The following ZNF292 variants were observed in gnomAD, a reference collection of about 807,000 sequenced individuals.
ZNF292 encodes zinc finger protein 292, also known as 16 zinc-finger domain protein.
A neutral mutation model predicts 217.9 loss-of-function variants in ZNF292; 26 were observed. The observed-to-expected ratio is 0.12, with a 90% CI of 0.09 to 0.17. The LOEUF is 0.17. Among genes scored for constraint, ZNF292 ranks in the 10% least tolerant of loss-of-function variants. ZNF292 has a pLI of 1.00. For missense variants in ZNF292, 2,904 were observed against 3,175.2 expected (o/e 0.91, Z 2.05); for synonymous variants, 1,257 against 1,124.1 (o/e 1.12, Z -2.37).
In ZNF292 at chr6:87,212,073, C is replaced by T. The variant is rs564436593; in HGVS notation, c.169-3830C>T. ...CTACAATGTTAGGGGTTCTCACAACCCCCTCCTCAGGGTCAGTAATTTGCT... is the reference window on the plus strand; with the variant it reads ...CTACAATGTTAGGGGTTCTCACAACTCCCTCCTCAGGGTCAGTAATTTGCT... On this transcript the variant is annotated intron_variant, in intron 1 of 7. Coordinates refer to ENST00000369577, the MANE Select transcript of ZNF292 (RefSeq NM_015021.3). Among the ~76,000 whole-genome samples, 23 of 152,248 alleles carry T rather than the reference C, an allele frequency of 1.5e-4. 1 individual carries two copies. The highest frequency in any genetic ancestry group is 5.5e-4 in the African/African-American group (23 of 41,548).
chr6:87,250,141 C>T (rs1436789313), intron 7 of ZNF292, among the ~76,000 whole-genome samples: 4 of 151,370 alleles, frequency 2.6e-5, no homozygotes, highest in Non-Finnish European at 4.4e-5. Flanking sequence ...TCAGTGGATT[C>T]AACCACCTAC....
At chr6:87,168,067 A>G (rs1319004921) in intron 1 of ZNF292, among the ~76,000 whole-genome samples, 1 of 152,192 alleles carries the variant, frequency 6.6e-6, no homozygotes, top group East Asian at 1.9e-4. Flanking sequence ...AAATGGGCGG[A>G]ACCTTGGAGT....
At chr6:87,170,789 G>A (rs992148208) in intron 1 of ZNF292, among the ~76,000 whole-genome samples, 3 of 152,174 alleles carry the variant, frequency 2.0e-5, no homozygotes, top group African/African-American at 7.2e-5. Flanking sequence ...TTCTAAGGAT[G>A]TTGGTTTTTT....
intron 1 of ZNF292, among the ~76,000 whole-genome samples, chr6:87,165,427 C>T (rs1477057196): frequency 6.6e-6 from 1 of 152,158 alleles, no homozygotes; most frequent in Non-Finnish European, 1.5e-5. Context: ...ATAAGGGATA[C>T]TCACCCGGGA....
chr6:87,251,616 A>G (rs1308534045), intron 7 of ZNF292, among the ~76,000 whole-genome samples: 1 of 152,218 alleles, frequency 6.6e-6, no homozygotes, highest in Non-Finnish European at 1.5e-5. Context: ...ACTGTTATGA[A>G]TTAAATAGAT....
At chr6:87,177,935 T>C (rs1334719305) in intron 1 of ZNF292, among the ~76,000 whole-genome samples, 1 of 152,182 alleles carries the variant, frequency 6.6e-6, no homozygotes, top group Non-Finnish European at 1.5e-5. Flanking sequence ...ATTGGCACCA[T>C]ATCTCTTATT....
In ZNF292 at chr6:87,265,849, A is replaced by T. The variant is rs1210302468; in HGVS notation, c.*4048A>T. Among the ~76,000 whole-genome samples, 1 of 152,334 alleles carries T rather than the reference A, an allele frequency of 6.6e-6. No individual in the cohort carries two copies. Among genetic ancestry groups the T allele is most frequent in the South Asian group, 2.1e-4 (1 of 4,828 alleles). The stretch of plus-strand genomic sequence containing the variant: ...GATTCCTTTGCTGTATTGGTTGTTA[A>T]TGTTTTGAATATTACCCGGTATTCA... On this transcript the variant is annotated 3_prime_UTR_variant, in exon 8 of 8. Coordinates refer to ENST00000369577, the MANE Select transcript of ZNF292 (RefSeq NM_015021.3).
At chr6:87,232,308 TACA>T (rs1773695801) in intron 4 of ZNF292, among the ~76,000 whole-genome samples, 1 of 152,214 alleles carries the variant, frequency 6.6e-6, no homozygotes, top group South Asian at 2.1e-4. Flanking sequence ...CAAAGGATAT[TACA>T]AGAAGTAAAG....
chr6:87,167,249 G>A (rs1430133829), intron 1 of ZNF292, among the ~76,000 whole-genome samples: 3 of 152,220 alleles, frequency 2.0e-5, no homozygotes, highest in Non-Finnish European at 4.4e-5. Flanking sequence ...TGTCACTTCA[G>A]CGAAAAACTT....
rs542370789 is a variant in ZNF292 at position 87,233,119 on chromosome 6, C to T, written c.539-206C>T. The stretch of plus-strand genomic sequence containing the variant: ...TTCTAAATGGTCCCTTATATAAGGG[C>T]CAAAAGTACTTAACTTTTAAAAGTT... On this transcript the variant is annotated intron_variant, in intron 4 of 7. Transcript: ENST00000369577. 3.3e-5 allele frequency among the ~76,000 whole-genome samples: 5 copies of T among 152,096 alleles called. No homozygotes were observed. In the East Asian group the frequency reaches 7.7e-4, roughly 23 times the overall value.
chr6:87,165,622 G>T (rs571299384), intron 1 of ZNF292, among the ~76,000 whole-genome samples: 33 of 151,992 alleles, frequency 2.2e-4, no homozygotes, highest in Non-Finnish European at 4.3e-4. Context: ...TATTTTAGAG[G>T]GTCACTGGGA....
intron 7 of ZNF292, among the ~76,000 whole-genome samples, chr6:87,251,360 CTG>C (rs1774911435): frequency 6.6e-6 from 1 of 152,184 alleles, no homozygotes; most frequent in Non-Finnish European, 1.5e-5. Flanking sequence ...ACATGGGAAA[CTG>C]AAAGCAACAT....
At chr6:87,234,755 G>A (rs1338525338) in intron 5 of ZNF292, among the ~76,000 whole-genome samples, 1 of 152,098 alleles carries the variant, frequency 6.6e-6, no homozygotes, top group Non-Finnish European at 1.5e-5. Flanking sequence ...AGACAGAGAA[G>A]TAAACTAATA....
At chr6:87,215,592 G>A (rs193099100) in intron 1 of ZNF292, among the ~76,000 whole-genome samples, 29 of 152,046 alleles carry the variant, frequency 1.9e-4, no homozygotes, top group African/African-American at 5.3e-4. Flanking sequence ...TACTTGCTCA[G>A]ATGTCTTTTT....
intron 1 of ZNF292, among the ~76,000 whole-genome samples, chr6:87,166,944 T>C (rs1770936312): frequency 6.6e-6 from 1 of 152,212 alleles, no homozygotes; most frequent in Admixed American, 6.5e-5. Context: ...AGTTTTGATT[T>C]GCCCAAGGTC....
chr6:87,255,733 G>A lies in ZNF292; in HGVS notation c.2104G>A (p.Val702Met). ...FKYFKNLIAH[V>M]KGHKDNEDAK... ...GTACTTTAAAAATTTAATTGCTCATGTGAAGGGGCATAAAGATAATGAAGA... is the reference window on the plus strand; with the variant it reads ...GTACTTTAAAAATTTAATTGCTCATATGAAGGGGCATAAAGATAATGAAGA... The change falls in exon 8 of 8, where the codon GTG (valine) becomes ATG (methionine). Residue 702 changes from valine (V) to methionine (M), a missense_variant. By Grantham distance (21) the Val-to-Met change is conservative. Transcript: ENST00000369577. 6.8e-6 allele frequency: 11 copies of A among 1,613,674 alleles called. No homozygotes were observed. Among genetic ancestry groups the A allele is most frequent in the Non-Finnish European group, 9.3e-6 (11 of 1,179,778 alleles).
At chr6:87,210,395 G>A (rs7750078) in intron 1 of ZNF292, among the ~76,000 whole-genome samples, 1,738 of 152,062 alleles carry the variant, frequency 0.011, 38 homozygotes, top group African/African-American at 0.038. Flanking sequence ...GAAAAACACC[G>A]CAAGAAACAG....
In ZNF292 at chr6:87,261,908, G is replaced by A; in HGVS notation, c.*107G>A. The A allele has an allele frequency of 1.3e-5, 11 of 848,696 alleles. No homozygotes were observed. The highest frequency in any genetic ancestry group is 1.1e-4 in the South Asian group (3 of 27,202). The allele number at this position is 848,696 out of a possible 1,614,324, so 52.6% of individuals were successfully genotyped here. A position where few individuals can be genotyped will look rare whatever the true frequency, so the allele number is the denominator to read the frequency against. On this transcript the variant is annotated 3_prime_UTR_variant, in exon 8 of 8. Coordinates refer to ENST00000369577, the MANE Select transcript of ZNF292 (RefSeq NM_015021.3). ...CATTATATTTTTTTGTTGTTGACAT[G>A]AATTAACCTGGCCAAAAACAAAAAA...
intron 6 of ZNF292, 107 bp downstream of exon 6, chr6:87,243,718 C>T: frequency 9.2e-7 from 1 of 1,085,396 alleles, no homozygotes; most frequent in East Asian, 2.9e-5. Context: ...CTTTTTAAGA[C>T]AAAAGGCTTA....
Sources: allele counts gnomAD v4.1 joint callset (sites outside exome capture counted in the v4.1 genomes callset), GRCh38; gene constraint gnomAD v4.1.1; transcripts MANE v1.5; gene names NCBI Gene and HGNC (gene_info 2026-07-23, HGNC 2026-07-21).